URI1: variants seen among roughly 807,000 people sequenced by gnomAD.
URI1 encodes URI1 prefoldin like chaperone, also known as unconventional prefoldin RPB5 interactor 1.
Under a neutral mutation model 60.2 loss-of-function variants are expected in URI1, and 39 were observed. The observed-to-expected ratio is 0.65, with a 90% CI of 0.50 to 0.85. URI1 has a LOEUF of 0.85. Ranked by LOEUF, URI1 falls within the 40% of genes least tolerant of loss-of-function variation. The pLI is 0.00. For missense variants in URI1, 691 were observed against 665.9 expected (o/e 1.04, Z -0.42); for synonymous variants, 251 against 236.8 (o/e 1.06, Z -0.55).
chr19:29,931,333 G>A (rs762649995), intron 1 of URI1, among the ~76,000 whole-genome samples: 26 of 152,166 alleles, frequency 1.7e-4, no homozygotes, highest in Non-Finnish European at 3.7e-4. Flanking sequence ...TGATGAAGGT[G>A]TTGGAAAAGC....
intron 1 of URI1, among the ~76,000 whole-genome samples, chr19:29,960,917 G>A (rs1249072128): frequency 2.6e-5 from 4 of 151,936 alleles, no homozygotes; most frequent in Non-Finnish European, 2.9e-5. Context: ...GCAGTGGTAT[G>A]GTCATAGCTC....
intron 1 of URI1, among the ~76,000 whole-genome samples, chr19:29,962,421 T>C (rs867900801): frequency 2.7e-5 from 3 of 111,932 alleles, no homozygotes; most frequent in African/African-American, 9.6e-5. Flanking sequence ...TTTTTTTTTT[T>C]ACAATTCCTT....
At chr19:29,954,148 C>CAA (rs2055213633) in intron 1 of URI1, among the ~76,000 whole-genome samples, 4 of 152,164 alleles carry the variant, frequency 2.6e-5, no homozygotes, top group Non-Finnish European at 5.9e-5. Context: ...CTCTATCCTA[C>CAA]AATATATACA....
At chr19:29,934,167 C>T (rs886130697) in intron 1 of URI1, among the ~76,000 whole-genome samples, 1 of 152,054 alleles carries the variant, frequency 6.6e-6, no homozygotes, top group African/African-American at 2.4e-5. Flanking sequence ...AACTTCTGAC[C>T]TTAGGTGATC....
intron 1 of URI1, 41 bp from the exon 2 acceptor site, chr19:29,971,152 A>G: frequency 6.2e-7 from 1 of 1,604,318 alleles, no homozygotes; most frequent in Non-Finnish European, 8.5e-7. Flanking sequence ...CTCTGTGCAT[A>G]GCTCTGTTTT....
At chr19:29,986,609 G>T (rs2055673905) in intron 4 of URI1, among the ~76,000 whole-genome samples, 192 bp downstream of exon 4, 2 of 152,084 alleles carry the variant, frequency 1.3e-5, no homozygotes, top group Non-Finnish European at 2.9e-5. Flanking sequence ...GGAGCATCCG[G>T]GTTGGAAATG....
At chr19:29,975,633 A>T (rs2055512102) in intron 2 of URI1, among the ~76,000 whole-genome samples, 1 of 151,396 alleles carries the variant, frequency 6.6e-6, no homozygotes, top group Non-Finnish European at 1.5e-5. Context: ...CCTCCGAAGT[A>T]GCTGAGATTA....
At chr19:30,010,423 A>G (rs1045401789) in intron 8 of URI1, among the ~76,000 whole-genome samples, 13 of 152,204 alleles carry the variant, frequency 8.5e-5, no homozygotes, top group Admixed American at 7.9e-4. Context: ...ATTAGCCAGA[A>G]AAAAAGGTCG....
intron 1 of URI1, among the ~76,000 whole-genome samples, chr19:29,955,515 C>T (rs1025282362): frequency 1.1e-4 from 17 of 152,028 alleles, no homozygotes; most frequent in Admixed American, 4.6e-4. Flanking sequence ...TCTCAATGAA[C>T]TATTATGTTT....
At position 29,944,140 on chromosome 19, in the gene URI1, CATATATATAT is replaced by C. The variant is rs56329506; in HGVS notation, c.117+1520_117+1529del. On this transcript the variant is annotated intron_variant, in intron 1 of 10. Coordinates refer to ENST00000392271, the MANE Select transcript of URI1 (RefSeq NM_003796.3). ...GGCGACAGAGTGAGACCCTGTCATT[CATATATATAT>C]ATATATATATATATATATATATATA... Among the ~76,000 whole-genome samples, 218 of 37,092 alleles carry C rather than the reference CATATATATAT, an allele frequency of 5.9e-3. 2 individuals are homozygous for C. Among genetic ancestry groups the C allele is most frequent in the East Asian group, 6.9e-3 (13 of 1,880 alleles). 24.3% of individuals were successfully genotyped at this position (37,092 alleles called of 152,430 possible).
chr19:29,948,743 T>A (rs2055133005), intron 1 of URI1, among the ~76,000 whole-genome samples: 1 of 152,238 alleles, frequency 6.6e-6, no homozygotes, highest in Non-Finnish European at 1.5e-5. Context: ...TCTACTTCTT[T>A]CCACACAGAC....
In URI1 at chr19:30,012,508, T is replaced by C. The variant is rs145788765; in HGVS notation, c.1402T>C (p.Leu468=). The C allele has an allele frequency of 2.5e-5, 41 of 1,614,078 alleles. No individual in the cohort carries two copies. Among genetic ancestry groups the C allele is most frequent in the Admixed American group, 6.7e-5 (4 of 60,012 alleles). The change falls in exon 10 of 11, where the codon TTG becomes CTG. Residue 468 remains leucine (L), a synonymous_variant. Coordinates refer to ENST00000392271, the MANE Select transcript of URI1 (RefSeq NM_003796.3). The stretch of plus-strand genomic sequence containing the variant: ...ACCACAAGAAAATCAAAAGAAACTT[T>C]TGCCCTTATCAGTAACACCTGAGGT... The part of the protein sequence containing the change: ...EEPQENQKKL[L]PLSVTPEAFS...
chr19:29,992,778 G>A (rs952959634), intron 4 of URI1, among the ~76,000 whole-genome samples: 2 of 152,130 alleles, frequency 1.3e-5, no homozygotes, highest in Non-Finnish European at 2.9e-5. Context: ...TTTAATCAGA[G>A]GTTTCTACAG....
chr19:29,951,118 G>A (rs554741185), intron 1 of URI1, among the ~76,000 whole-genome samples: 84 of 152,218 alleles, frequency 5.5e-4, no homozygotes, highest in Admixed American at 2.0e-3. Context: ...ACATACACGC[G>A]TGATTACATA....
intron 10 of URI1, 43 bp downstream of exon 10, chr19:30,012,574 T>A (rs1171471949): frequency 1.3e-6 from 2 of 1,589,808 alleles, no homozygotes; most frequent in Non-Finnish European, 1.7e-6. Context: ...ATATAGTATC[T>A]TTGACCAGTT....
intron 1 of URI1, among the ~76,000 whole-genome samples, chr19:29,927,977 A>G (rs981023406): frequency 1.3e-5 from 2 of 152,082 alleles, no homozygotes; most frequent in African/African-American, 4.8e-5. Context: ...TAGATTAGAA[A>G]AGGCCATGCC....
intron 1 of URI1, among the ~76,000 whole-genome samples, chr19:29,959,052 G>C (rs141369307): frequency 1.3e-5 from 2 of 152,070 alleles, no homozygotes; most frequent in Admixed American, 6.6e-5. Flanking sequence ...AATTAGGCTG[G>C]TCTCATGAAA....
chr19:29,953,368 T>G (rs777542330), intron 1 of URI1, among the ~76,000 whole-genome samples: 1 of 152,202 alleles, frequency 6.6e-6, no homozygotes, highest in Non-Finnish European at 1.5e-5. Context: ...AAAAAAAAAT[T>G]TATTGGACTT....
rs1190080584 is a variant in URI1, at chr19:29,961,738, T to G, written c.118-9455T>G. The stretch of plus-strand genomic sequence containing the variant: ...TTCACTCTTGTTGCCCAGGCTGGAG[T>G]GCAATGGCACAATCTCGGCTCACTG... On this transcript the variant is annotated intron_variant, in intron 1 of 10. Transcript: ENST00000392271. Among the ~76,000 whole-genome samples the G allele has an allele frequency of 2.7e-5, 4 of 150,004 alleles. No individual in the cohort carries two copies. In the Admixed American group the frequency reaches 2.7e-4, roughly 10 times the overall value.
Sources: gnomAD v4.1 joint callset for allele counts (sites outside exome capture counted in the v4.1 genomes callset) on GRCh38, gnomAD v4.1.1 for gene constraint, MANE v1.5 for transcripts, NCBI Gene and HGNC (gene_info 2026-07-23, HGNC 2026-07-21) for gene names.